Variants in HPSE2 observed in about 807,000 individuals in gnomAD.
HPSE2 encodes the protein heparanase 2 (inactive).
In HPSE2, 38 loss-of-function variants were observed where a neutral mutation model predicts 60.5. The observed-to-expected ratio is 0.63, with a 90% CI of 0.48 to 0.82. The LOEUF is 0.82. Ranked by LOEUF, HPSE2 falls within the 40% of genes least tolerant of loss-of-function variation. HPSE2 has a pLI of 0.00. For missense variants in HPSE2, 713 were observed against 740.4 expected, an observed-to-expected ratio of 0.96 and a Z score of 0.43; for synonymous variants, 295 against 293.2, an observed-to-expected ratio of 1.01 and a Z score of -0.06.
chr10:99,283,333 GA>G, the HPSE2 span, among the ~76,000 whole-genome samples: 1 of 150,794 alleles, frequency 6.6e-6, no homozygotes, highest in African/African-American at 2.4e-5. Context: ...ATAAAATAGA[GA>G]AAAAAATAAG....
chr10:98,897,478 T>C (rs1953527438), intron 3 of HPSE2, among the ~76,000 whole-genome samples: 1 of 151,890 alleles, frequency 6.6e-6, no homozygotes. Context: ...TCAAGACCAA[T>C]AAAATGACAG....
intron 3 of HPSE2, among the ~76,000 whole-genome samples, chr10:98,911,776 T>C (rs1031141780): frequency 6.6e-6 from 1 of 151,892 alleles, no homozygotes; most frequent in African/African-American, 2.4e-5. Flanking sequence ...TGGAAAGAAA[T>C]AGCAATGAGA....
chr10:98,969,778 C>A (rs1436627123), intron 3 of HPSE2, among the ~76,000 whole-genome samples: 1 of 151,978 alleles, frequency 6.6e-6, no homozygotes, highest in African/African-American at 2.4e-5. Context: ...AGAGACTGGG[C>A]AATTTATAAA....
chr10:98,533,359 A>ACG, intron 9 of HPSE2, among the ~76,000 whole-genome samples: 1 of 152,354 alleles, frequency 6.6e-6, no homozygotes, highest in African/African-American at 2.4e-5. Context: ...AGATAGAATA[A>ACG]TGCCTTAATA....
At chr10:99,298,990 C>G in the HPSE2 span, among the ~76,000 whole-genome samples, 1 of 152,128 alleles carries the variant, frequency 6.6e-6, no homozygotes, top group Non-Finnish European at 1.5e-5. Flanking sequence ...GTTTTTATAG[C>G]TCTCTACCAG....
chr10:98,671,094 A>G (rs1246460050), intron 6 of HPSE2, among the ~76,000 whole-genome samples: 3 of 152,228 alleles, frequency 2.0e-5, no homozygotes, highest in Non-Finnish European at 4.4e-5. Flanking sequence ...ACTCAACTGT[A>G]GTAGTAAAAA....
chr10:98,917,253 ATAGC>A (rs1361798936), intron 3 of HPSE2, among the ~76,000 whole-genome samples: 1 of 152,200 alleles, frequency 6.6e-6, no homozygotes, highest in East Asian at 1.9e-4. Context: ...AACAATTCTT[ATAGC>A]CAAATAAGAA....
chr10:98,806,882 G>A (rs917306377), intron 3 of HPSE2, among the ~76,000 whole-genome samples: 42 of 152,294 alleles, frequency 2.8e-4, no homozygotes, highest in Admixed American at 2.4e-3. Flanking sequence ...GGTGGCTCAC[G>A]CCTGTAATCC....
the HPSE2 span, among the ~76,000 whole-genome samples, chr10:99,279,059 T>C: frequency 2.0e-5 from 3 of 152,166 alleles, no homozygotes; most frequent in South Asian, 4.2e-4. Context: ...TCTCTCCTAG[T>C]TGTTGAGCTC....
intron 6 of HPSE2, among the ~76,000 whole-genome samples, chr10:98,656,457 G>A (rs1297303125): frequency 6.6e-6 from 1 of 152,104 alleles, no homozygotes; most frequent in East Asian, 1.9e-4. Flanking sequence ...CTGTCCCTAT[G>A]CATGCCTCTT....
intron 5 of HPSE2, among the ~76,000 whole-genome samples, chr10:98,701,587 A>T (rs1366277590): frequency 6.6e-6 from 1 of 151,724 alleles, no homozygotes; most frequent in African/African-American, 2.4e-5. Flanking sequence ...ACATGTATAC[A>T]TATGTAACTA....
At position 98,697,998 on chromosome 10, in the gene HPSE2, G is replaced by T. The variant is rs533736011; in HGVS notation, c.957-4051C>A. ...CACCCAGATTCATAAAGCAAGTCCT[G>T]AGTGACCTACAAAGAGACTTAGACT... is the stretch of plus-strand genomic sequence containing the variant. On this transcript the variant is annotated intron_variant, in intron 5 of 11. Coordinates refer to ENST00000370552, the MANE Select transcript of HPSE2 (RefSeq NM_021828.5). Among the ~76,000 whole-genome samples, 31 of 148,248 alleles carry T rather than the reference G, an allele frequency of 2.1e-4. No homozygotes were observed. In the South Asian group the frequency reaches 6.5e-3, roughly 31 times the overall value.
intron 3 of HPSE2, among the ~76,000 whole-genome samples, chr10:98,934,521 C>T (rs111692635): frequency 0.022 from 3,199 of 144,408 alleles, 430 homozygotes; most frequent in East Asian, 0.17. Flanking sequence ...GATGTTATTT[C>T]TCTTCTGCTT....
In HPSE2 at chr10:98,749,947, T is replaced by TATATATATATACAC; in HGVS notation, c.611-5892_611-5891insGTGTATATATATAT. ...ATTAAACACTATATATATATATATA[T>TATATATATATACAC]ACACACACACTTACACACACATTTA... On this transcript the variant is annotated intron_variant, in intron 3 of 11. Coordinates refer to ENST00000370552, the MANE Select transcript of HPSE2 (RefSeq NM_021828.5). Among the ~76,000 whole-genome samples the TATATATATATACAC allele has an allele frequency of 6.4e-3, 630 of 98,414 alleles. 7 individuals are homozygous for TATATATATATACAC. Among genetic ancestry groups the TATATATATATACAC allele is most frequent in the African/African-American group, 0.018 (535 of 30,002 alleles). 64.6% of individuals were successfully genotyped at this position (98,414 alleles called of 152,430 possible).
At chr10:98,892,531 A>G (rs1953364768) in intron 3 of HPSE2, among the ~76,000 whole-genome samples, 2 of 152,318 alleles carry the variant, frequency 1.3e-5, no homozygotes, top group South Asian at 2.1e-4. Context: ...ACCTTTCCCA[A>G]TCTACGAACT....
At chr10:98,867,775 G>T (rs900719779) in intron 3 of HPSE2, among the ~76,000 whole-genome samples, 3 of 152,090 alleles carry the variant, frequency 2.0e-5, no homozygotes, top group Non-Finnish European at 4.4e-5. Flanking sequence ...TAAAGAAACT[G>T]TGGGCTGGGT....
At chr10:98,701,049 C>A (rs1359100622) in intron 5 of HPSE2, among the ~76,000 whole-genome samples, 3 of 64,388 alleles carry the variant, frequency 4.7e-5, no homozygotes, top group Admixed American at 1.9e-4. Flanking sequence ...GTGGGACTGT[C>A]AACTAGTTCA....
At chr10:98,634,708 T>C (rs1946451201) in intron 7 of HPSE2, among the ~76,000 whole-genome samples, 1 of 152,234 alleles carries the variant, frequency 6.6e-6, no homozygotes. Flanking sequence ...TGGCATAATG[T>C]CACTACATTT....
At position 98,641,955 on chromosome 10, in the gene HPSE2, A is replaced by G. The variant is rs1488043771; in HGVS notation, c.1005-15T>C. ...CAATGTAGCAACTGGAATAAAAATA[A>G]AATAAGAATCAGATAAAATCTCAAG... On this transcript the variant is annotated splice_polypyrimidine_tract_variant and intron_variant, in intron 6 of 11. Transcript: ENST00000370552. 1.9e-6 allele frequency: 3 copies of G among 1,599,060 alleles called. No homozygotes were observed. The highest frequency in any genetic ancestry group is 2.6e-6 in the Non-Finnish European group (3 of 1,167,094).
Sources: allele counts gnomAD v4.1 joint callset (sites outside exome capture counted in the v4.1 genomes callset), GRCh38; gene constraint gnomAD v4.1.1; transcripts MANE v1.5; gene names NCBI Gene and HGNC (gene_info 2026-07-23, HGNC 2026-07-21).